Variants in PCDHGB5 observed in about 807,000 individuals in gnomAD.
PCDHGB5 encodes protocadherin gamma subfamily B, 5.
In PCDHGB5, 48 loss-of-function variants were observed where a neutral mutation model predicts 62.9. The observed-to-expected ratio is 0.76, with a 90% CI of 0.61 to 0.97. PCDHGB5 has a LOEUF of 0.97. Ranked by LOEUF, PCDHGB5 falls within the 50% of genes least tolerant of loss-of-function variation. The probability of loss-of-function intolerance (pLI) is 0.00; values close to 1 mark genes in which losing one functional copy is unlikely to be tolerated. For synonymous variants in PCDHGB5, 474 were observed against 511.2 expected, an observed-to-expected ratio of 0.93 and a Z score of 0.98; for missense variants, 1,118 against 1,198.6, an observed-to-expected ratio of 0.93 and a Z score of 0.99.
In PCDHGB5 at chr5:141,486,194, C is replaced by A. The variant is rs1248456800; in HGVS notation, c.2398-8613C>A. The A allele has an allele frequency of 6.2e-7, 1 of 1,614,196 alleles. No individual in the cohort carries two copies. Among genetic ancestry groups the A allele is most frequent in the Non-Finnish European group, 8.5e-7 (1 of 1,180,026 alleles). ...ACATTGCAGCCTTCGAGTGGATCTG[C>A]TGGACGTAAATGACAATGCCCCTTA... On this transcript the variant is annotated intron_variant, in intron 1 of 3. Transcript: ENST00000617380. The surrounding 1 kb of genome is among the most constrained non-coding windows in gnomAD (Gnocchi z 5.0).
chr5:141,418,125 G>T (rs765373450), intron 1 of PCDHGB5: 7 of 1,613,968 alleles, frequency 4.3e-6, no homozygotes, highest in African/African-American at 2.7e-5. Flanking sequence ...GTGAAGGACC[G>T]AATAGACCGT....
chr5:141,421,433 C>A lies in PCDHGB5; in HGVS notation c.2397+20909C>A, dbSNP rs772564300. 5 of 1,614,074 alleles carry A rather than the reference C, an allele frequency of 3.1e-6. No homozygotes were observed. In the African/African-American group the frequency reaches 4.0e-5, roughly 13 times the overall value. On this transcript the variant is annotated intron_variant, in intron 1 of 3. Coordinates refer to ENST00000617380, the MANE Select transcript of PCDHGB5 (RefSeq NM_018925.3). ...GCGAAGCGCGGAGTCCGCATCGTCTCCAGAGGGAAGACACAGCTTTTCGCT... is the reference window on the plus strand; with the variant it reads ...GCGAAGCGCGGAGTCCGCATCGTCTACAGAGGGAAGACACAGCTTTTCGCT...
intron 1 of PCDHGB5, among the ~76,000 whole-genome samples, chr5:141,435,651 C>T (rs762264332): frequency 1.4e-4 from 22 of 152,044 alleles, no homozygotes; most frequent in Non-Finnish European, 2.9e-4. Flanking sequence ...ATTTCTGAAA[C>T]GTGCACAGAT....
At chr5:141,419,093 C>T (rs1191453038) in intron 1 of PCDHGB5, 4 of 1,613,916 alleles carry the variant, frequency 2.5e-6, no homozygotes, top group South Asian at 1.1e-5. Flanking sequence ...GGCCCTGGAT[C>T]GGGAGCAGAC....
At chr5:141,427,164 C>T (rs1171285271) in intron 1 of PCDHGB5, 1 of 456,682 alleles carries the variant, frequency 2.2e-6, no homozygotes, top group Non-Finnish European at 4.4e-6. Context: ...TGTGCTAGAC[C>T]ATCAAAATGG....
chr5:141,500,036 T>C (rs1001193977), intron 2 of PCDHGB5, among the ~76,000 whole-genome samples: 8 of 152,176 alleles, frequency 5.3e-5, no homozygotes, highest in African/African-American at 1.9e-4. Flanking sequence ...TGAGTGTCTC[T>C]TAAGTATCTT....
chr5:141,407,473 G>A (rs753514459), intron 1 of PCDHGB5, among the ~76,000 whole-genome samples: 4 of 145,182 alleles, frequency 2.8e-5, no homozygotes, highest in Non-Finnish European at 4.6e-5. Context: ...ATGACTGAAT[G>A]GAGTATGGAA....
Position 141,487,413 on chromosome 5 carries a change from A to G in PCDHGB5, c.2398-7394A>G, listed in dbSNP as rs1562119204. The G allele has an allele frequency of 1.2e-6, 2 of 1,614,172 alleles. No homozygotes were observed. The highest frequency in any genetic ancestry group is 2.2e-5 in the East Asian group (1 of 44,862). ...AGGAGGGAGGGGCTTCCCCCTTCCA[A>G]TGGGATCCTCCGAATCCAGCTAGGG... On this transcript the variant is annotated intron_variant, in intron 1 of 3. Coordinates refer to ENST00000617380, the MANE Select transcript of PCDHGB5 (RefSeq NM_018925.3). This position sits in a 1 kb window ranked among gnomAD's most constrained non-coding sequence, Gnocchi z 5.0.
chr5:141,404,072 C>G, intron 1 of PCDHGB5: 3 of 1,613,626 alleles, frequency 1.9e-6, no homozygotes, highest in Non-Finnish European at 2.5e-6. Context: ...TGCTCATGAC[C>G]GAGACTCCGG....
At chr5:141,483,745 T>C (rs1288301129) in intron 1 of PCDHGB5, among the ~76,000 whole-genome samples, 1 of 152,130 alleles carries the variant, frequency 6.6e-6, no homozygotes, top group Non-Finnish European at 1.5e-5. Flanking sequence ...AGGATATTCC[T>C]GAGGATCGAG....
At position 141,511,187 on chromosome 5, in the gene PCDHGB5, C is replaced by T; in HGVS notation, c.*14C>T. The stretch of plus-strand genomic sequence containing the variant: ...GAGAAGAAGTAACATGGAGGCCAGG[C>T]CAAGAGCCACAGGGCGGCCTCTCCC... On this transcript the variant is annotated 3_prime_UTR_variant, in exon 4 of 4. Transcript: ENST00000617380. The T allele has an allele frequency of 1.2e-6, 2 of 1,613,868 alleles. No homozygotes were observed. The highest frequency in any genetic ancestry group is 1.7e-6 in the Non-Finnish European group (2 of 1,179,878).
At chr5:141,461,826 T>G (rs1466528519) in intron 1 of PCDHGB5, among the ~76,000 whole-genome samples, 2 of 151,912 alleles carry the variant, frequency 1.3e-5, no homozygotes, top group Non-Finnish European at 1.5e-5. Flanking sequence ...GCTAATTTTT[T>G]TTTCTTTTTT....
rs187488785 is a variant in PCDHGB5 at position 141,461,744 on chromosome 5, C to T, written c.2398-33063C>T. 5.9e-5 allele frequency among the ~76,000 whole-genome samples: 9 copies of T among 152,302 alleles called. No individual in the cohort carries two copies. The East Asian group carries it at 1.7e-3, about 29-fold the overall frequency. On this transcript the variant is annotated intron_variant, in intron 1 of 3. Transcript: ENST00000617380. ...GGAGTGCAGTGGCACAATCCCGGCT[C>T]CCAGATTCAAGCGATTCTCCTGCCT...
Position 141,448,649 on chromosome 5 carries a change from T to C in PCDHGB5, c.2398-46158T>C, listed in dbSNP as rs181402439. 1.4e-3 allele frequency among the ~76,000 whole-genome samples: 218 copies of C among 152,220 alleles called. 1 individual carries two copies. Among genetic ancestry groups the C allele is most frequent in the African/African-American group, 5.0e-3 (206 of 41,530 alleles). On this transcript the variant is annotated intron_variant, in intron 1 of 3. Transcript: ENST00000617380. ...CTTCACATTATATCCTTTAAAAATA[T>C]TTCCATATTGGCCGGGCGCGGTGGC...
chr5:141,407,947 G>C (rs910743144), intron 1 of PCDHGB5: 7 of 561,352 alleles, frequency 1.2e-5, no homozygotes, highest in South Asian at 3.4e-5. Context: ...CGCCGCTGTC[G>C]GCCAGTGCAG....
At chr5:141,421,986 AG>A in intron 1 of PCDHGB5, 2 of 1,609,004 alleles carry the variant, frequency 1.2e-6, no homozygotes, top group Non-Finnish European at 1.7e-6. Flanking sequence ...TGAGTGTTCC[AG>A]AAAACATCAG....
In PCDHGB5 at chr5:141,431,028, T is replaced by C. The variant is rs367575636; in HGVS notation, c.2397+30504T>C. On this transcript the variant is annotated intron_variant, in intron 1 of 3. Transcript: ENST00000617380. This position sits in a 1 kb window ranked among gnomAD's most constrained non-coding sequence, Gnocchi z 4.8. ...GGCAGCTTGGTCACGGCGGGCAGGA[T>C]AGACCGGGAGGAGCTCTGTATGGGG... The C allele has an allele frequency of 6.2e-7, 1 of 1,613,986 alleles. No homozygotes were observed. Among genetic ancestry groups the C allele is most frequent in the Admixed American group, 1.7e-5 (1 of 60,022 alleles).
intron 1 of PCDHGB5, chr5:141,410,134 C>T: frequency 6.2e-7 from 1 of 1,612,766 alleles, no homozygotes; most frequent in East Asian, 2.2e-5. Flanking sequence ...GCCTGCTGGT[C>T]GCTGTGCGTG....
In PCDHGB5 at chr5:141,491,419, G is replaced by A. The variant is rs1422517367; in HGVS notation, c.2398-3388G>A. On this transcript the variant is annotated intron_variant, in intron 1 of 3. Coordinates refer to ENST00000617380, the MANE Select transcript of PCDHGB5 (RefSeq NM_018925.3). This position sits in a 1 kb window ranked among gnomAD's most constrained non-coding sequence, Gnocchi z 6.9. ...GGGAAACGCAGACGGGGACGGGGGT[G>A]GAGGGCAGTGCTGCAGGCGCCAGGA... 1 of 1,614,124 alleles carries A rather than the reference G, an allele frequency of 6.2e-7. No individual in the cohort carries two copies.
Sources: allele counts gnomAD v4.1 joint callset (sites outside exome capture counted in the v4.1 genomes callset), GRCh38; gene constraint gnomAD v4.1.1; non-coding constraint Gnocchi (gnomAD v3.1); transcripts MANE v1.5; gene names NCBI Gene and HGNC (gene_info 2026-07-23, HGNC 2026-07-21).